C1RL: variants seen among roughly 807,000 people sequenced by gnomAD.
C1RL encodes the protein complement C1r subcomponent-like protein.
In C1RL, 27 loss-of-function variants were observed where a neutral mutation model predicts 27.9. The observed-to-expected ratio is 0.97, with a 90% CI of 0.71 to 1.33. C1RL has a LOEUF of 1.33. Ranked by LOEUF, C1RL falls within the 40% of genes most tolerant of loss-of-function variation. C1RL has a pLI of 0.00. For synonymous variants in C1RL, 248 were observed against 252.1 expected (o/e 0.98, Z 0.15); for missense variants, 563 against 623.9 (o/e 0.90, Z 1.04).
chr12:7,108,229 A>AC (rs35898229), intron 2 of C1RL, 22 bp downstream of exon 2: 113,379 of 1,549,342 alleles, frequency 0.073, 3,861 homozygotes, highest in Non-Finnish European at 0.082. Flanking sequence ...TCCTGGCGGG[A>AC]CCCCCCCCAT....
rs945917873 is a variant in C1RL at position 7,104,062 on chromosome 12, G to T, written c.301-1975C>A. Among the ~76,000 whole-genome samples, 1 of 152,196 alleles carries T rather than the reference G, an allele frequency of 6.6e-6. No individual in the cohort carries two copies. Reference sequence around the variant, plus strand: ...GAGAGAAGATGACAGCAGATGACAGGTGTCAACACACTTTGGAAGATGGAG... The same window carrying T: ...GAGAGAAGATGACAGCAGATGACAGTTGTCAACACACTTTGGAAGATGGAG... On this transcript the variant is annotated intron_variant, in intron 2 of 5. Coordinates refer to ENST00000266542, the MANE Select transcript of C1RL (RefSeq NM_016546.4). The surrounding 1 kb of genome is among the most constrained non-coding windows in gnomAD (Gnocchi z 5.4).
At chr12:7,106,184 C>T (rs1295132791) in intron 2 of C1RL, among the ~76,000 whole-genome samples, 1 of 151,874 alleles carries the variant, frequency 6.6e-6, no homozygotes, top group Non-Finnish European at 1.5e-5. Context: ...AGAGAGAAAA[C>T]AAAGGATTAG....
At position 7,096,078 on chromosome 12, in the gene C1RL, G is replaced by A; in HGVS notation, c.*313C>T. The A allele has an allele frequency of 9.0e-7, 1 of 1,115,914 alleles. No homozygotes were observed. The highest frequency in any genetic ancestry group is 1.1e-6 in the Non-Finnish European group (1 of 913,870). The allele number at this position is 1,115,914 out of a possible 1,614,324, so 69.1% of individuals were successfully genotyped here. On this transcript the variant is annotated 3_prime_UTR_variant, in exon 6 of 6. Coordinates refer to ENST00000266542, the MANE Select transcript of C1RL (RefSeq NM_016546.4). ...GTGTCAACAGATGAAGTAGGGGAAG[G>A]CGGTTCTAAGGACATTCAAGGCGAA... is the stretch of plus-strand genomic sequence containing the variant.
rs747368050 is a variant in C1RL, at chr12:7,097,140, T to C, written c.715A>G (p.Ile239Val). Residue 239 changes from isoleucine to valine, a missense_variant, in exon 6 of 6, where the codon ATT becomes GTT. Coordinates refer to ENST00000266542, the MANE Select transcript of C1RL (RefSeq NM_016546.4). ...MPVCGRPVTP[I>V]AQNQTTLGSS... is the part of the protein sequence containing the mutation. ...CCGAGGGTCGTCTGATTCTGGGCAATGGGGGTGACTGGCCGTCCGCAGACT... is the reference window on the plus strand; with the variant it reads ...CCGAGGGTCGTCTGATTCTGGGCAACGGGGGTGACTGGCCGTCCGCAGACT... 3.7e-6 allele frequency: 6 copies of C among 1,608,850 alleles called. No individual in the cohort carries two copies. The East Asian group carries it at 6.7e-5, about 18-fold the overall frequency.
intron 1 of C1RL, 104 bp downstream of exon 1, chr12:7,109,006 G>A: frequency 2.5e-6 from 1 of 400,800 alleles, no homozygotes; most frequent in South Asian, 1.9e-5. Flanking sequence ...GGGGGGATGT[G>A]TGTGTGGGGG....
chr12:7,100,242 A>G (rs137935180), intron 3 of C1RL, among the ~76,000 whole-genome samples: 1 of 152,350 alleles, frequency 6.6e-6, no homozygotes, highest in African/African-American at 2.4e-5. Context: ...AGGCACTTCC[A>G]TATATGTTTG....
At chr12:7,108,696 G>A in intron 1 of C1RL, 1 of 573,790 alleles carries the variant, frequency 1.7e-6, no homozygotes, top group Non-Finnish European at 3.1e-6. Context: ...CTGAGCTCTA[G>A]GATTGTGGGT....
Position 7,097,090 on chromosome 12 carries a change from G to C in C1RL, c.765C>G (p.Asn255Lys), listed in dbSNP as rs1330978526. Residue 255 changes from asparagine (N) to lysine (K), a missense_variant, in exon 6 of 6, where the codon AAC becomes AAG. Physicochemically the swap from Asn to Lys is moderately conservative, Grantham distance 94. Transcript: ENST00000266542. ...TACTGGTGAAGGCTTGCCAGGGGAA[G>C]TTGCCCAGCTTGGCTCTGGAAGAAC... is the stretch of plus-strand genomic sequence containing the variant. ...TLGSSRAKLGNFPWQAFTSIH... is the reference protein window; with the variant it reads ...TLGSSRAKLGKFPWQAFTSIH... The C allele has an allele frequency of 6.2e-7, 1 of 1,614,000 alleles. No homozygotes were observed. Among genetic ancestry groups the C allele is most frequent in the African/African-American group, 1.3e-5 (1 of 74,924 alleles).
At position 7,097,156 on chromosome 12, in the gene C1RL, T is replaced by A; in HGVS notation, c.699A>T (p.Gly233=). The change falls in exon 6 of 6, where the codon GGA becomes GGT. Residue 233 remains glycine (G), a synonymous_variant. Transcript: ENST00000266542. ...TCTGGGCAATGGGGGTGACTGGCCG[T>A]CCGCAGACTGGGAGAGAGGCGGGGT... ...EEVLQCMPVC[G]RPVTPIAQNQ... The A allele has an allele frequency of 6.2e-7, 1 of 1,602,890 alleles. No individual in the cohort carries two copies. The highest frequency in any genetic ancestry group is 8.5e-7 in the Non-Finnish European group (1 of 1,173,678).
chr12:7,101,818 T>C (rs1565637197), intron 3 of C1RL, 80 bp downstream of exon 3: 2 of 1,446,478 alleles, frequency 1.4e-6, no homozygotes, highest in South Asian at 1.1e-5. Flanking sequence ...TCACTCAAGC[T>C]TCCACTTAAG....
At chr12:7,098,141 G>C (rs1938508797) in intron 5 of C1RL, among the ~76,000 whole-genome samples, 1 of 152,154 alleles carries the variant, frequency 6.6e-6, no homozygotes, top group Non-Finnish European at 1.5e-5. Context: ...CGTGGTGGCG[G>C]GCGCCTGTAG....
chr12:7,099,404 G>A lies in C1RL; in HGVS notation c.691+282C>T, dbSNP rs148130659. The A allele has an allele frequency of 1.4e-4, 131 of 949,242 alleles. 3 individuals are homozygous for A. The East Asian group carries it at 0.01, about 76-fold the overall frequency. 58.8% of individuals were successfully genotyped at this position (949,242 alleles called of 1,614,324 possible). A position where few individuals can be genotyped will look rare whatever the true frequency, so the allele number is the denominator to read the frequency against. ...CTTAAAATGTATGGCACAAAAAGAG[G>A]GTTTTCTGTTACTTCAGCTTGTTGG... On this transcript the variant is annotated intron_variant, in intron 5 of 5. Transcript: ENST00000266542.
In C1RL at chr12:7,094,599, A is replaced by G; in HGVS notation, c.*1792T>C. 1.1e-6 allele frequency: 1 copy of G among 942,180 alleles called. No homozygotes were observed. The highest frequency in any genetic ancestry group is 1.3e-6 in the Non-Finnish European group (1 of 790,510). The allele number at this position is 942,180 out of a possible 1,614,324, so 58.4% of individuals were successfully genotyped here. On this transcript the variant is annotated 3_prime_UTR_variant, in exon 6 of 6. Coordinates refer to ENST00000266542, the MANE Select transcript of C1RL (RefSeq NM_016546.4). ...TTTGCCTTGGCAGGGAGAAACTCATATCATTTTTTGCAATCATAAAAATAA... is the reference window on the plus strand; with the variant it reads ...TTTGCCTTGGCAGGGAGAAACTCATGTCATTTTTTGCAATCATAAAAATAA...
chr12:7,102,201 C>A (rs1033802487), intron 2 of C1RL, 114 bp from the exon 3 acceptor site: 5 of 1,067,910 alleles, frequency 4.7e-6, no homozygotes, highest in Non-Finnish European at 6.8e-6. Flanking sequence ...CGGGCCGTGC[C>A]CCTCTGGGGC....
chr12:7,098,053 G>A (rs1214649615), intron 5 of C1RL, among the ~76,000 whole-genome samples: 5 of 152,076 alleles, frequency 3.3e-5, no homozygotes, highest in Non-Finnish European at 7.4e-5. Flanking sequence ...GGATCACGAG[G>A]TCAGGAGATC....
rs148184961 is a variant in C1RL at position 7,105,315 on chromosome 12, G to C, written c.300+2936C>G. ...CAGAGACTCACTCTGCACCCCACAG[G>C]CTGTAGTGCAGTGGCCTGATCTCGG... On this transcript the variant is annotated intron_variant, in intron 2 of 5. Coordinates refer to ENST00000266542, the MANE Select transcript of C1RL (RefSeq NM_016546.4). Among the ~76,000 whole-genome samples, 613 of 151,870 alleles carry C rather than the reference G, an allele frequency of 4.0e-3. 2 individuals carry two copies. The highest frequency in any genetic ancestry group is 6.9e-3 in the Non-Finnish European group (467 of 67,954).
chr12:7,107,960 C>A, intron 2 of C1RL: 1 of 343,322 alleles, frequency 2.9e-6, no homozygotes, highest in South Asian at 1.1e-4. Flanking sequence ...CGTCCCTGCC[C>A]CTGGCTCCAT....
rs765040924 is a variant in C1RL at position 7,096,585 on chromosome 12, C to T, written c.1270G>A (p.Asp424Asn). The T allele has an allele frequency of 6.2e-7, 1 of 1,614,152 alleles. No homozygotes were observed. The highest frequency in any genetic ancestry group is 2.2e-5 in the East Asian group (1 of 44,878). ...VFSDNMFCVG[D>N]ETQRHSVCQG... ...CAGACACTGTGCCTTTGCGTCTCAT[C>T]CCCAACACAGAACATATTGTCAGAA... Residue 424 changes from aspartate to asparagine, a missense_variant, in exon 6 of 6, where the codon GAT becomes AAT. Coordinates refer to ENST00000266542, the MANE Select transcript of C1RL (RefSeq NM_016546.4).
At chr12:7,097,313 G>A in intron 5 of C1RL, 150 bp from the exon 6 acceptor site, 1 of 692,270 alleles carries the variant, frequency 1.4e-6, no homozygotes, top group Non-Finnish European at 2.3e-6. Context: ...ATCGAGTTTC[G>A]CTCTTGTTGC....
Sources: gnomAD v4.1 joint callset for allele counts (sites outside exome capture counted in the v4.1 genomes callset) on GRCh38, gnomAD v4.1.1 for gene constraint, Gnocchi (gnomAD v3.1) non-coding constraint, MANE v1.5 for transcripts, NCBI Gene and HGNC (gene_info 2026-07-23, HGNC 2026-07-21) for gene names.